Variants in TRPM3 observed in about 807,000 individuals in gnomAD.
TRPM3 encodes the protein transient receptor potential cation channel subfamily M member 3, also known as long transient receptor potential channel 3.
A neutral mutation model predicts 181.2 loss-of-function variants in TRPM3; 77 were observed. The observed-to-expected ratio is 0.42, with a 90% CI of 0.35 to 0.51. The LOEUF is 0.51. TRPM3 is among the 20% of genes least tolerant of loss of function. The probability of loss-of-function intolerance (pLI) is 0.01; values close to 1 mark genes in which losing one functional copy is unlikely to be tolerated. For synonymous variants in TRPM3, 745 were observed against 796.4 expected (o/e 0.94, Z 1.09); for missense variants, 1,759 against 2,196.7 (o/e 0.80, Z 3.98).
At chr9:71,172,120 T>C (rs1381506037) in intron 1 of TRPM3, among the ~76,000 whole-genome samples, 3 of 152,070 alleles carry the variant, frequency 2.0e-5, no homozygotes, top group Non-Finnish European at 4.4e-5. Flanking sequence ...CAGGCTGATT[T>C]CAAACCCTGG....
At chr9:70,956,661 ATTTC>A (rs2097075996) in intron 1 of TRPM3, among the ~76,000 whole-genome samples, 1 of 151,992 alleles carries the variant, frequency 6.6e-6, no homozygotes, top group Non-Finnish European at 1.5e-5. Context: ...GGGTGGGAGG[ATTTC>A]TTTGAGGCCA....
intron 9 of TRPM3, among the ~76,000 whole-genome samples, chr9:70,650,548 T>C (rs1332715451): frequency 6.6e-6 from 1 of 152,214 alleles, no homozygotes; most frequent in Non-Finnish European, 1.5e-5. Context: ...CATATCTAAA[T>C]TATATTTTAA....
At chr9:70,941,175 G>A (rs1160941092) in intron 1 of TRPM3, among the ~76,000 whole-genome samples, 1 of 152,162 alleles carries the variant, frequency 6.6e-6, no homozygotes, top group East Asian at 1.9e-4. Flanking sequence ...AGTAGACTGG[G>A]AGAGACAGAC....
At chr9:70,786,480 C>T (rs756380084) in intron 6 of TRPM3, among the ~76,000 whole-genome samples, 1 of 151,770 alleles carries the variant, frequency 6.6e-6, no homozygotes, top group Non-Finnish European at 1.5e-5. Flanking sequence ...AGTGAAACTC[C>T]ATTTCAAAAA....
intron 1 of TRPM3, among the ~76,000 whole-genome samples, chr9:71,335,941 C>A (rs560916317): frequency 1.3e-5 from 2 of 151,948 alleles, no homozygotes; most frequent in Non-Finnish European, 2.9e-5. Flanking sequence ...TCATGGAGTC[C>A]GTGAGATTGA....
At chr9:70,975,826 G>A (rs2133968804) in intron 1 of TRPM3, among the ~76,000 whole-genome samples, 1 of 152,326 alleles carries the variant, frequency 6.6e-6, no homozygotes, top group East Asian at 1.9e-4. Context: ...TCTATTAGCT[G>A]TGCAAACTTC....
intron 8 of TRPM3, 157 bp downstream of exon 8, chr9:70,761,444 A>T: frequency 2.2e-6 from 2 of 900,336 alleles, no homozygotes; most frequent in South Asian, 1.4e-5. Context: ...TGTCTTAGTT[A>T]CTTAGGAGAG....
chr9:70,981,651 A>G (rs2097364686), intron 1 of TRPM3, among the ~76,000 whole-genome samples: 1 of 152,122 alleles, frequency 6.6e-6, no homozygotes, highest in South Asian at 2.1e-4. Context: ...CCTAAATTAT[A>G]TGGGTATTGG....
At chr9:71,033,524 C>G (rs181704953) in intron 1 of TRPM3, among the ~76,000 whole-genome samples, 1 of 151,882 alleles carries the variant, frequency 6.6e-6, no homozygotes, top group East Asian at 1.9e-4. Context: ...TAAATTTGAA[C>G]TATACATACA....
chr9:70,854,635 A>G (rs916286425), intron 3 of TRPM3, among the ~76,000 whole-genome samples: 1 of 152,148 alleles, frequency 6.6e-6, no homozygotes, highest in East Asian at 1.9e-4. Context: ...TGGGCTATCC[A>G]ATCCTTTCTT....
chr9:71,318,366 C>A (rs1459897027), intron 1 of TRPM3, among the ~76,000 whole-genome samples: 1 of 152,024 alleles, frequency 6.6e-6, no homozygotes, highest in Non-Finnish European at 1.5e-5. Context: ...CAAATTTGTA[C>A]AGGATTTTCA....
At chr9:71,017,171 A>T (rs1029143349) in intron 1 of TRPM3, among the ~76,000 whole-genome samples, 2 of 152,122 alleles carry the variant, frequency 1.3e-5, no homozygotes, top group African/African-American at 4.8e-5. Flanking sequence ...CCAAGAAGAC[A>T]TGTATAGGAC....
At chr9:70,874,428 G>A (rs191425102) in intron 1 of TRPM3, among the ~76,000 whole-genome samples, 2 of 152,054 alleles carry the variant, frequency 1.3e-5, no homozygotes, top group South Asian at 2.1e-4. Flanking sequence ...TAAGCATCAT[G>A]CCAAAGTTAT....
chr9:71,019,381 A>G (rs1161039382), intron 1 of TRPM3, among the ~76,000 whole-genome samples: 1 of 152,088 alleles, frequency 6.6e-6, no homozygotes, highest in African/African-American at 2.4e-5. Flanking sequence ...ATAAAAATTA[A>G]TACATGAATC....
At chr9:70,758,663 C>T (rs971518837) in intron 8 of TRPM3, among the ~76,000 whole-genome samples, 11 of 152,064 alleles carry the variant, frequency 7.2e-5, no homozygotes, top group Non-Finnish European at 1.3e-4. Flanking sequence ...ACAGAGGCCT[C>T]AGAAATAATG....
chr9:71,077,700 G>T (rs1232646349), intron 1 of TRPM3, among the ~76,000 whole-genome samples: 3 of 152,026 alleles, frequency 2.0e-5, no homozygotes, highest in Non-Finnish European at 2.9e-5. Flanking sequence ...GCCCGCACTA[G>T]TGGACGGTAG....
chr9:71,102,810 G>A (rs2068647882), intron 1 of TRPM3, among the ~76,000 whole-genome samples: 1 of 152,148 alleles, frequency 6.6e-6, no homozygotes. Flanking sequence ...TAGTTGGTCA[G>A]ATCCTAGACT....
At chr9:71,311,391 G>A (rs1228749595) in intron 1 of TRPM3, among the ~76,000 whole-genome samples, 1 of 152,140 alleles carries the variant, frequency 6.6e-6, no homozygotes, top group Non-Finnish European at 1.5e-5. Context: ...CTTCAAGACA[G>A]TGTAGCATTG....
intron 1 of TRPM3, among the ~76,000 whole-genome samples, chr9:71,333,865 G>A (rs926016062): frequency 1.3e-5 from 2 of 151,926 alleles, no homozygotes; most frequent in Admixed American, 6.6e-5. Context: ...TCCAGTGTGT[G>A]AAATCTCCTG....
Sources: gnomAD v4.1 joint callset for allele counts (sites outside exome capture counted in the v4.1 genomes callset) on GRCh38, gnomAD v4.1.1 for gene constraint, MANE v1.5 for transcripts, NCBI Gene and HGNC (gene_info 2026-07-23, HGNC 2026-07-21) for gene names.